Variants in ZFAND6 observed in about 807,000 individuals in gnomAD.
ZFAND6 encodes zinc finger AN1-type containing 6, also known as AN1-type zinc finger protein 6.
In ZFAND6, 12 loss-of-function variants were observed where a neutral mutation model predicts 24.5. That is an observed-to-expected ratio of 0.49 (90% CI 0.31 to 0.79). The LOEUF (loss-of-function observed/expected upper bound fraction) is 0.79. ZFAND6 is among the 30% of genes least tolerant of loss of function. ZFAND6 has a pLI of 0.04. For missense variants in ZFAND6, 207 were observed against 245.9 expected, an observed-to-expected ratio of 0.84 and a Z score of 1.06; for synonymous variants, 92 against 81.5, an observed-to-expected ratio of 1.13 and a Z score of -0.69.
At chr15:80,134,179 G>C (rs962084222) in intron 6 of ZFAND6, among the ~76,000 whole-genome samples, 2 of 152,058 alleles carry the variant, frequency 1.3e-5, no homozygotes. Context: ...TAGTAGAGAC[G>C]GGGTTTCGCC....
rs576298158 is a variant in ZFAND6 at position 80,076,635 on chromosome 15, C to T, written c.-181+16826C>T. On this transcript the variant is annotated intron_variant, in intron 1 of 6. Transcript: ENST00000261749. ...GCTAAGTACTGTTAGTCTTTTCGAA[C>T]CAGTAAGTCAATTTAGAAAGGCTAG... 7.2e-5 allele frequency among the ~76,000 whole-genome samples: 11 copies of T among 152,298 alleles called. No individual in the cohort carries two copies. The South Asian group carries it at 2.3e-3, about 32-fold the overall frequency.
rs563515769 is a variant in ZFAND6, at chr15:80,109,811, G to T, written c.-17-10517G>T. 5.3e-5 allele frequency among the ~76,000 whole-genome samples: 8 copies of T among 152,276 alleles called. No individual in the cohort carries two copies. The East Asian group carries it at 1.5e-3, about 29-fold the overall frequency. ...ACCAGAAGCTGTGTTATCAATTGCT[G>T]CATAAGAAACTAACCCAAAATTCAC... On this transcript the variant is annotated intron_variant, in intron 2 of 6. Coordinates refer to ENST00000261749, the MANE Select transcript of ZFAND6 (RefSeq NM_019006.4).
chr15:80,090,856 G>C (rs1051574571), intron 1 of ZFAND6, among the ~76,000 whole-genome samples: 8 of 151,982 alleles, frequency 5.3e-5, no homozygotes, highest in African/African-American at 1.9e-4. Flanking sequence ...ATTTTTTATT[G>C]GTCTTCTAAA....
intron 2 of ZFAND6, among the ~76,000 whole-genome samples, chr15:80,113,647 A>G (rs2039721727): frequency 6.6e-6 from 1 of 152,144 alleles, no homozygotes; most frequent in African/African-American, 2.4e-5. Context: ...TTTCAACAGA[A>G]TATAGCCGTT....
In ZFAND6 at chr15:80,137,852, T is replaced by G; in HGVS notation, c.*224T>G. 1 of 389,914 alleles carries G rather than the reference T, an allele frequency of 2.6e-6. No individual in the cohort carries two copies. The highest frequency in any genetic ancestry group is 4.4e-6 in the Non-Finnish European group (1 of 227,660). The allele number at this position is 389,914 out of a possible 1,614,324, so 24.2% of individuals were successfully genotyped here. A position where few individuals can be genotyped will look rare whatever the true frequency, so the allele number is the denominator to read the frequency against. On this transcript the variant is annotated 3_prime_UTR_variant, in exon 7 of 7. Coordinates refer to ENST00000261749, the MANE Select transcript of ZFAND6 (RefSeq NM_019006.4). ...CTTTACAAGTATTATCCTTTTAAGA[T>G]CATTTTAATTTTAGTTGAGTGCAGA... is the stretch of plus-strand genomic sequence containing the variant.
chr15:80,132,972 A>G (rs527982195), intron 6 of ZFAND6, among the ~76,000 whole-genome samples: 50 of 151,446 alleles, frequency 3.3e-4, no homozygotes, highest in Non-Finnish European at 6.0e-4. Context: ...TTGTGAAGCC[A>G]TCTCTGCAGC....
chr15:80,127,830 C>A (rs1418330813), intron 5 of ZFAND6, among the ~76,000 whole-genome samples: 1 of 152,142 alleles, frequency 6.6e-6, no homozygotes, highest in African/African-American at 2.4e-5. Context: ...TATGACCCAG[C>A]ATTTTTCTCC....
At chr15:80,074,688 C>T (rs1436772725) in intron 1 of ZFAND6, among the ~76,000 whole-genome samples, 8 of 151,956 alleles carry the variant, frequency 5.3e-5, no homozygotes, top group Admixed American at 2.0e-4. Context: ...CTTAACTTTA[C>T]ACACATATAG....
intron 2 of ZFAND6, among the ~76,000 whole-genome samples, chr15:80,114,221 C>T (rs1224980122): frequency 6.6e-6 from 1 of 152,118 alleles, no homozygotes; most frequent in African/African-American, 2.4e-5. Flanking sequence ...GATGTAAGTG[C>T]CCTCTTAGTT....
chr15:80,120,426 G>A lies in ZFAND6; in HGVS notation c.82G>A (p.Gly28Ser), dbSNP rs2040096056. The A allele has an allele frequency of 1.2e-6, 2 of 1,606,582 alleles. No homozygotes were observed. Among genetic ancestry groups the A allele is most frequent in the African/African-American group, 2.7e-5 (2 of 74,644 alleles). Residue 28 changes from glycine to serine, a missense_variant, in exon 3 of 7, where the codon GGC (glycine) becomes AGC (serine). Transcript: ENST00000261749. ...CGFYGNPRTN[G>S]MCSVCYKEHL... ...ATTTTATGGAAACCCTCGTACAAAT[G>A]GCATGTGTTCAGTATGCTATAAAGA...
In ZFAND6 at chr15:80,133,290, T is replaced by C. The variant is rs939343138; in HGVS notation, c.478+1997T>C. 4.0e-5 allele frequency among the ~76,000 whole-genome samples: 6 copies of C among 151,866 alleles called. No homozygotes were observed. The South Asian group carries it at 1.2e-3, about 32-fold the overall frequency. On this transcript the variant is annotated intron_variant, in intron 6 of 6. Coordinates refer to ENST00000261749, the MANE Select transcript of ZFAND6 (RefSeq NM_019006.4). The stretch of plus-strand genomic sequence containing the variant: ...TCACTGTAACCTCCGCCTCCTGGGT[T>C]CAAGCAATTCTCCTGCCCCAGCCTC...
intron 1 of ZFAND6, among the ~76,000 whole-genome samples, chr15:80,071,464 T>TCA (rs766094099): frequency 3.3e-5 from 5 of 152,162 alleles, no homozygotes; most frequent in Non-Finnish European, 7.4e-5. Context: ...TAATGATTAA[T>TCA]GTTAGAGTAA....
chr15:80,095,275 G>A lies in ZFAND6; in HGVS notation c.-180-3141G>A, dbSNP rs531210740. On this transcript the variant is annotated intron_variant, in intron 1 of 6. Coordinates refer to ENST00000261749, the MANE Select transcript of ZFAND6 (RefSeq NM_019006.4). ...TTGAGTGTATCTAATGTGTTCTCAT[G>A]ATAAAATTTAGGAATGTGGTTTTGG... Among the ~76,000 whole-genome samples the A allele has an allele frequency of 6.6e-5, 10 of 152,324 alleles. No homozygotes were observed. In the South Asian group the frequency reaches 2.1e-3, roughly 32 times the overall value.
intron 5 of ZFAND6, among the ~76,000 whole-genome samples, chr15:80,125,432 T>G (rs1469437234): frequency 1.3e-5 from 2 of 152,214 alleles, no homozygotes; most frequent in Non-Finnish European, 2.9e-5. Context: ...ATTTTGTAAT[T>G]GGAACATTCA....
intron 2 of ZFAND6, among the ~76,000 whole-genome samples, chr15:80,099,692 C>T (rs952277204): frequency 7.9e-5 from 11 of 138,552 alleles, no homozygotes; most frequent in Admixed American, 7.5e-4. Flanking sequence ...TTTCTGCTCA[C>T]TGCATCCTCT....
intron 1 of ZFAND6, among the ~76,000 whole-genome samples, chr15:80,083,825 G>C (rs2141867355): frequency 6.6e-6 from 1 of 152,272 alleles, no homozygotes; most frequent in East Asian, 1.9e-4. Flanking sequence ...TCATGCCATT[G>C]CACTCCAGCC....
intron 2 of ZFAND6, among the ~76,000 whole-genome samples, chr15:80,100,927 T>G (rs908887255): frequency 3.9e-5 from 6 of 152,142 alleles, no homozygotes; most frequent in African/African-American, 1.4e-4. Flanking sequence ...ATCTGTAAAA[T>G]AGATACAGTA....
intron 4 of ZFAND6, 21 bp from the exon 5 acceptor site, chr15:80,122,679 T>G (rs2040198210): frequency 5.3e-6 from 8 of 1,518,312 alleles, no homozygotes; most frequent in African/African-American, 1.4e-5. Context: ...CCTTTTAAAA[T>G]GAAATATTTT....
chr15:80,084,650 G>C (rs374506618), intron 1 of ZFAND6, among the ~76,000 whole-genome samples: 3 of 152,334 alleles, frequency 2.0e-5, no homozygotes, highest in East Asian at 3.9e-4. Flanking sequence ...ACAATACTAA[G>C]TTAGGCAAAG....
Sources: allele counts gnomAD v4.1 joint callset (sites outside exome capture counted in the v4.1 genomes callset), GRCh38; gene constraint gnomAD v4.1.1; transcripts MANE v1.5; gene names NCBI Gene and HGNC (gene_info 2026-07-23, HGNC 2026-07-21).